The following VTI1A variants were observed in gnomAD, a reference collection of about 807,000 sequenced individuals.
VTI1A encodes the protein vesicle transport through interaction with t-SNAREs 1A, also known as vesicle transport through interaction with t-SNAREs homolog 1A.
A neutral mutation model predicts 34.9 loss-of-function variants in VTI1A; 22 were observed. The observed-to-expected ratio is 0.63, with a 90% CI of 0.45 to 0.90. The LOEUF (loss-of-function observed/expected upper bound fraction) is 0.90, where lower values mean the gene tolerates loss of function less well. Among genes scored for constraint, VTI1A ranks in the 40% least tolerant of loss-of-function variants. The pLI, the probability that VTI1A is intolerant of heterozygous loss-of-function variation, is 0.00. For synonymous variants in VTI1A, 87 were observed against 97.3 expected (o/e 0.89, Z 0.62); for missense variants, 268 against 275.6 (o/e 0.97, Z 0.20).
intron 5 of VTI1A, among the ~76,000 whole-genome samples, chr10:112,576,996 A>G (rs954185728): frequency 6.6e-6 from 1 of 152,254 alleles, no homozygotes; most frequent in African/African-American, 2.4e-5. Flanking sequence ...AATTGATTTT[A>G]TAATCCGTCT....
At chr10:112,695,020 T>C (rs1051943012) in intron 7 of VTI1A, among the ~76,000 whole-genome samples, 4 of 152,182 alleles carry the variant, frequency 2.6e-5, no homozygotes, top group African/African-American at 9.6e-5. Flanking sequence ...ACCAGTTGAC[T>C]GAAAGGTATA....
chr10:112,576,019 C>CT (rs760363890), intron 5 of VTI1A, among the ~76,000 whole-genome samples: 2,046 of 131,278 alleles, frequency 0.016, 30 homozygotes, highest in Middle Eastern at 0.039. Context: ...CTTTTCTTTT[C>CT]TTTTTTTTTT....
At chr10:112,580,798 A>AG (rs1843899011) in intron 5 of VTI1A, among the ~76,000 whole-genome samples, 1 of 152,176 alleles carries the variant, frequency 6.6e-6, no homozygotes, top group African/African-American at 2.4e-5. Context: ...AGAACCAAGA[A>AG]GGGAAAGAAG....
At chr10:112,681,798 A>G (rs1848226226) in intron 7 of VTI1A, among the ~76,000 whole-genome samples, 1 of 152,214 alleles carries the variant, frequency 6.6e-6, no homozygotes, top group Non-Finnish European at 1.5e-5. Context: ...CATGTTGACT[A>G]TACATATTCT....
At chr10:112,540,192 A>T (rs1174067346) in intron 5 of VTI1A, among the ~76,000 whole-genome samples, 1 of 152,210 alleles carries the variant, frequency 6.6e-6, no homozygotes. Context: ...AAGATCGCAG[A>T]TACCAAAAGA....
chr10:112,515,030 TA>T (rs1487532716), intron 3 of VTI1A, among the ~76,000 whole-genome samples: 7 of 152,196 alleles, frequency 4.6e-5, no homozygotes, highest in African/African-American at 7.2e-5. Context: ...AGAAAACATT[TA>T]AAAAATGTAA....
At chr10:112,616,559 A>C (rs1485275695) in intron 5 of VTI1A, among the ~76,000 whole-genome samples, 4 of 152,200 alleles carry the variant, frequency 2.6e-5, no homozygotes, top group Non-Finnish European at 5.9e-5. Flanking sequence ...TACAAAGAAA[A>C]AAAAATGACC....
At chr10:112,555,121 T>C (rs1180072463) in intron 5 of VTI1A, among the ~76,000 whole-genome samples, 3 of 152,130 alleles carry the variant, frequency 2.0e-5, no homozygotes, top group African/African-American at 7.2e-5. Context: ...TTTTCCCTAT[T>C]CTGAATTTTC....
chr10:112,465,867 T>C (rs926399924), intron 3 of VTI1A, among the ~76,000 whole-genome samples: 1 of 152,196 alleles, frequency 6.6e-6, no homozygotes, highest in Admixed American at 6.5e-5. Context: ...TTTTATATTA[T>C]GTGATTTTAC....
intron 3 of VTI1A, among the ~76,000 whole-genome samples, chr10:112,465,034 A>G (rs559690985): frequency 6.6e-6 from 1 of 152,266 alleles, no homozygotes; most frequent in East Asian, 1.9e-4. Context: ...CTGAAAGCAT[A>G]TCTGTATTTT....
chr10:112,616,909 A>T (rs570664120), intron 5 of VTI1A, among the ~76,000 whole-genome samples: 3 of 152,340 alleles, frequency 2.0e-5, no homozygotes, highest in Non-Finnish European at 4.4e-5. Context: ...GTGTTGAGAC[A>T]TGTAGGATAC....
At chr10:112,570,327 C>T (rs1237778012) in intron 5 of VTI1A, among the ~76,000 whole-genome samples, 1 of 151,788 alleles carries the variant, frequency 6.6e-6, no homozygotes, top group Non-Finnish European at 1.5e-5. Flanking sequence ...TCATTTTCCC[C>T]CTGTGGCAAA....
intron 5 of VTI1A, among the ~76,000 whole-genome samples, chr10:112,546,101 TACG>T (rs1851105926): frequency 6.6e-6 from 1 of 150,924 alleles, no homozygotes; most frequent in Non-Finnish European, 1.5e-5. Context: ...TGTGTGTATA[TACG>T]TGTATACACG....
chr10:112,551,501 A>G (rs1851360180), intron 5 of VTI1A, among the ~76,000 whole-genome samples: 1 of 152,182 alleles, frequency 6.6e-6, no homozygotes, highest in African/African-American at 2.4e-5. Context: ...TGCGTTTGGA[A>G]TTAAGGTGGA....
intron 5 of VTI1A, among the ~76,000 whole-genome samples, chr10:112,622,308 G>A (rs947788366): frequency 5.9e-5 from 9 of 152,158 alleles, no homozygotes; most frequent in African/African-American, 2.2e-4. Context: ...GACACACCCA[G>A]CTGAAGCAAG....
chr10:112,749,446 T>C (rs918120935), intron 7 of VTI1A, among the ~76,000 whole-genome samples: 14 of 152,224 alleles, frequency 9.2e-5, no homozygotes, highest in African/African-American at 3.4e-4. Context: ...ATTCAGATCA[T>C]CCCAACAAGG....
intron 7 of VTI1A, among the ~76,000 whole-genome samples, chr10:112,798,779 A>T (rs941825): frequency 0.75 from 114,058 of 152,092 alleles, 43,795 homozygotes; most frequent in Non-Finnish European, 0.84. Flanking sequence ...GCAAATTGTA[A>T]GTAGAGGCAA....
chr10:112,481,037 A>G (rs1448542425), intron 3 of VTI1A, among the ~76,000 whole-genome samples: 1 of 152,196 alleles, frequency 6.6e-6, no homozygotes, highest in South Asian at 2.1e-4. Flanking sequence ...ATTAGACGCT[A>G]TTGAAAGGTT....
intron 3 of VTI1A, among the ~76,000 whole-genome samples, chr10:112,487,098 G>T (rs1848664618): frequency 6.6e-6 from 1 of 152,026 alleles, no homozygotes; most frequent in African/African-American, 2.4e-5. Context: ...TCCGGGTTGA[G>T]AAATACTATG....
Sources: gnomAD v4.1 joint callset for allele counts (sites outside exome capture counted in the v4.1 genomes callset) on GRCh38, gnomAD v4.1.1 for gene constraint, MANE v1.5 for transcripts, NCBI Gene and HGNC (gene_info 2026-07-23, HGNC 2026-07-21) for gene names.